Variants in BCAP31 observed in about 807,000 individuals in gnomAD.
The protein encoded by BCAP31 is B-cell receptor-associated protein 31.
For synonymous variants in BCAP31, 75 were observed against 80.9 expected (o/e 0.93, Z 0.39); for missense variants, 124 against 193.0 (o/e 0.64, Z 2.12).
At chrX:153,716,557 C>T (rs1243626671) in intron 3 of BCAP31, among the ~76,000 whole-genome samples, 20 of 83,695 alleles carry the variant, frequency 2.4e-4, no homozygotes, top group Admixed American at 8.0e-4. Context: ...GCCTGGGCAA[C>T]ACAGGGAGAC....
intron 1 of BCAP31, 146 bp from the exon 2 acceptor site, chrX:153,723,434 G>T (rs2091682513): frequency 8.8e-7 from 1 of 1,133,966 alleles, no homozygotes; most frequent in African/African-American, 1.8e-5. Context: ...GGCGGAAGCA[G>T]GGCTCCACTC....
At chrX:153,706,482 T>C (rs2148373103) in intron 4 of BCAP31, among the ~76,000 whole-genome samples, 1 of 112,731 alleles carries the variant, frequency 8.9e-6, no homozygotes, top group South Asian at 3.6e-4. Flanking sequence ...AACTCCTTGC[T>C]CTGCTGCTAA....
At chrX:153,707,812 C>T (rs1557048531) in intron 4 of BCAP31, among the ~76,000 whole-genome samples, 1 of 113,022 alleles carries the variant, frequency 8.8e-6, no homozygotes, top group Non-Finnish European at 1.9e-5. Flanking sequence ...TGGGAGCCAG[C>T]CTTCTAGAAC....
intron 4 of BCAP31, among the ~76,000 whole-genome samples, chrX:153,710,436 G>A (rs1215628885): frequency 1.2e-4 from 13 of 111,707 alleles, no homozygotes; most frequent in African/African-American, 3.9e-4. Context: ...CCGTGAAAGC[G>A]CCTCACCCTG....
intron 4 of BCAP31, among the ~76,000 whole-genome samples, chrX:153,710,689 T>C (rs1433922160): frequency 9.0e-6 from 1 of 111,232 alleles, no homozygotes; most frequent in Non-Finnish European, 1.9e-5. Context: ...GATGTTTCCT[T>C]TCAGGCCAGG....
intron 4 of BCAP31, among the ~76,000 whole-genome samples, chrX:153,706,898 C>T (rs1273714085): frequency 1.8e-5 from 2 of 112,172 alleles, no homozygotes; most frequent in Non-Finnish European, 3.8e-5. Context: ...TGCTGCCATA[C>T]GGCTTTCCCA....
At chrX:153,723,833 T>A in intron 1 of BCAP31, 1 of 684,366 alleles carries the variant, frequency 1.5e-6, no homozygotes, top group Non-Finnish European at 2.2e-6. Context: ...GGCACCTCCC[T>A]CGAGGATCCA....
At chrX:153,719,238 C>T (rs920536391) in intron 3 of BCAP31, among the ~76,000 whole-genome samples, 17 of 111,615 alleles carry the variant, frequency 1.5e-4, no homozygotes, top group Admixed American at 1.1e-3. Context: ...AGCATGGTCC[C>T]TCCCCTCCCC....
At chrX:153,706,781 T>C (rs1367540688) in intron 4 of BCAP31, among the ~76,000 whole-genome samples, 3 of 105,055 alleles carry the variant, frequency 2.9e-5, no homozygotes, top group Admixed American at 1.9e-4. Context: ...GCAAACCGCC[T>C]TGGACTCAGC....
At chrX:153,717,825 T>C (rs932287917) in intron 3 of BCAP31, among the ~76,000 whole-genome samples, 1 of 112,540 alleles carries the variant, frequency 8.9e-6, no homozygotes. Flanking sequence ...TCAAACGCTG[T>C]TAGCAGGGGT....
intron 3 of BCAP31, among the ~76,000 whole-genome samples, chrX:153,719,862 T>C (rs986424712): frequency 8.9e-6 from 1 of 112,101 alleles, no homozygotes; most frequent in Non-Finnish European, 1.9e-5. Flanking sequence ...GCCTTTCATC[T>C]TACCACCACC....
intron 4 of BCAP31, among the ~76,000 whole-genome samples, chrX:153,710,774 T>C (rs2091586117): frequency 2.7e-5 from 3 of 111,734 alleles, no homozygotes. Context: ...CCAGTCCCGC[T>C]GAAAACTAGT....
At chrX:153,720,439 AC>A (rs1421239919) in intron 3 of BCAP31, among the ~76,000 whole-genome samples, 2 of 107,418 alleles carry the variant, frequency 1.9e-5, no homozygotes, top group African/African-American at 6.9e-5. Context: ...ATTTAGGCTC[AC>A]TGCAACCTCT....
chrX:153,703,306 G>GCCCTGGCCCCTGGC (rs781868961), intron 5 of BCAP31, among the ~76,000 whole-genome samples: 17 of 113,289 alleles, frequency 1.5e-4, no homozygotes, highest in African/African-American at 4.5e-4. Flanking sequence ...CGCCTTGCCT[G>GCCCTGGCCCCTGGC]CCCTGGCCCC....
chrX:153,701,590 G>A (rs1189334386), intron 7 of BCAP31, among the ~76,000 whole-genome samples: 1 of 112,948 alleles, frequency 8.9e-6, no homozygotes, highest in Non-Finnish European at 1.9e-5. Flanking sequence ...GCGCCTGCTA[G>A]GGAAGGTGCC....
chrX:153,716,511 C>T (rs531968194), intron 3 of BCAP31, among the ~76,000 whole-genome samples: 51 of 96,947 alleles, frequency 5.3e-4, no homozygotes, highest in African/African-American at 1.3e-3. Context: ...GAGGCCAAGG[C>T]AGGAAGACTG....
At chrX:153,710,926 A>G (rs2091587206) in intron 4 of BCAP31, among the ~76,000 whole-genome samples, 1 of 111,535 alleles carries the variant, frequency 9.0e-6, no homozygotes, top group Admixed American at 9.5e-5. Context: ...CCATCCTGCC[A>G]GCACATTCCC....
At chrX:153,706,469 C>T (rs1557048314) in intron 4 of BCAP31, among the ~76,000 whole-genome samples, 1 of 112,691 alleles carries the variant, frequency 8.9e-6, no homozygotes, top group African/African-American at 3.2e-5. Flanking sequence ...GGAGGTCACC[C>T]TGAACTCCTT....
intron 4 of BCAP31, among the ~76,000 whole-genome samples, chrX:153,706,290 G>A (rs1221013688): frequency 9.1e-6 from 1 of 110,159 alleles, no homozygotes; most frequent in Admixed American, 9.6e-5. Flanking sequence ...TGGATGACCC[G>A]GGATCATTCT....
Sources: allele counts gnomAD v4.1 joint callset (sites outside exome capture counted in the v4.1 genomes callset), GRCh38; gene constraint gnomAD v4.1.1; transcripts MANE v1.5; gene names NCBI Gene and HGNC (gene_info 2026-07-23, HGNC 2026-07-21).